ZNF142: variants seen among roughly 807,000 people sequenced by gnomAD.
The protein encoded by ZNF142 is zinc finger protein 142 (clone pHZ-49).
Under a neutral mutation model 132.1 loss-of-function variants are expected in ZNF142, and 96 were observed. The observed-to-expected ratio is 0.73, with a 90% CI of 0.62 to 0.86. The LOEUF (loss-of-function observed/expected upper bound fraction) is 0.86. ZNF142 is among the 40% of genes least tolerant of loss of function. ZNF142 has a pLI of 0.00. For missense variants in ZNF142, 2,163 were observed against 2,336.2 expected (o/e 0.93, Z 1.53); for synonymous variants, 842 against 890.1 (o/e 0.95, Z 0.96).
rs1412809987 is a variant in ZNF142 at position 218,635,622 on chromosome 2, C to T, written c.*2717G>A. On this transcript the variant is annotated 3_prime_UTR_variant, in exon 11 of 11. Transcript: ENST00000411696. ...TGTTGGGATTACAGGTGTGAGCCAC[C>T]GTGCCCGGCCTTTGGGTGCATTTTA... 6.6e-6 allele frequency among the ~76,000 whole-genome samples: 1 copy of T among 152,152 alleles called. No homozygotes were observed. The highest frequency in any genetic ancestry group is 1.5e-5 in the Non-Finnish European group (1 of 68,042).
At position 218,642,413 on chromosome 2, in the gene ZNF142, G is replaced by A. The variant is rs368309879; in HGVS notation, c.4703C>T (p.Ala1568Val). The change falls in exon 9 of 11, where the codon GCT (alanine) becomes GTT (valine). Residue 1568 changes from alanine (A) to valine (V), a missense_variant. By Grantham distance (64) the Ala-to-Val change is moderately conservative (BLOSUM62 0). Coordinates refer to ENST00000411696, the MANE Select transcript of ZNF142 (RefSeq NM_001379659.1). The surrounding 1 kb of genome is among the most constrained non-coding windows in gnomAD (Gnocchi z 4.6). ...CTGCTGCCTCCGGTGCTCATCCAGAGCCAGTCGGCTAGGGAAGGCCTCCTG... is the reference window on the plus strand; with the variant it reads ...CTGCTGCCTCCGGTGCTCATCCAGAACCAGTCGGCTAGGGAAGGCCTCCTG... ...ACQEAFPSRLALDEHRRQQHF... is the reference protein window; with the variant it reads ...ACQEAFPSRLVLDEHRRQQHF... 6.2e-7 allele frequency: 1 copy of A among 1,613,066 alleles called. No homozygotes were observed. The highest frequency in any genetic ancestry group is 8.5e-7 in the Non-Finnish European group (1 of 1,180,026).
At position 218,636,185 on chromosome 2, in the gene ZNF142, A is replaced by C. The variant is rs1696733171; in HGVS notation, c.*2154T>G. 6.4e-7 allele frequency: 1 copy of C among 1,562,400 alleles called. No individual in the cohort carries two copies. Among genetic ancestry groups the C allele is most frequent in the Admixed American group, 1.7e-5 (1 of 59,274 alleles). ...GATTAAATGAGAACACAAGAAAAGC[A>C]ACCCAGTCAAGAAAACTGTCATAAT... On this transcript the variant is annotated 3_prime_UTR_variant, in exon 11 of 11. Coordinates refer to ENST00000411696, the MANE Select transcript of ZNF142 (RefSeq NM_001379659.1).
Position 218,656,415 on chromosome 2 carries a change from A to T in ZNF142, c.15T>A (p.Leu5=), listed in dbSNP as rs1307949963. The T allele has an allele frequency of 7.0e-7, 1 of 1,432,956 alleles. No individual in the cohort carries two copies. The highest frequency in any genetic ancestry group is 9.2e-7 in the Non-Finnish European group (1 of 1,083,594). The allele number at this position is 1,432,956 out of a possible 1,614,324, so 88.8% of individuals were successfully genotyped here. ...TGCTACTGGCTGGCTGTGAGTCCAA[A>T]AGGGGGTCTGTCATCACCACCGACT... MTDP[L]LDSQPASSTG... Residue 5 remains leucine (L), a synonymous_variant, in exon 4 of 11, where the codon CTT becomes CTA. Coordinates refer to ENST00000411696, the MANE Select transcript of ZNF142 (RefSeq NM_001379659.1).
rs1340748459 is a variant in ZNF142, at chr2:218,635,175, G to A, written c.*3164C>T. 2.0e-5 allele frequency among the ~76,000 whole-genome samples: 3 copies of A among 152,080 alleles called. No individual in the cohort carries two copies. The highest frequency in any genetic ancestry group is 1.3e-4 in the Admixed American group (2 of 15,256). ...CCTGGCTACTCAGGAGGCTAAGGCT[G>A]GAGGGTCACTTTAGCCCAGGAGATG... On this transcript the variant is annotated 3_prime_UTR_variant, in exon 11 of 11. Coordinates refer to ENST00000411696, the MANE Select transcript of ZNF142 (RefSeq NM_001379659.1).
rs1189662329 is a variant in ZNF142 at position 218,646,305 on chromosome 2, T to G, written c.1917A>C (p.Arg639=). ...HKCELCDFTC[R]DVSYLSKHML... ...TGTGCTTGGATAGGTAGCTCACGTC[T>G]CGGCATGTGAAGTCACACAGCTCAC... The change falls in exon 8 of 11, where the codon CGA becomes CGC. Residue 639 remains arginine, a synonymous_variant. Transcript: ENST00000411696. The G allele has an allele frequency of 3.1e-6, 5 of 1,614,054 alleles. No individual in the cohort carries two copies. The South Asian group carries it at 4.4e-5, about 14-fold the overall frequency.
At chr2:218,653,793 A>C (rs1938236564) in intron 4 of ZNF142, among the ~76,000 whole-genome samples, 1 of 152,158 alleles carries the variant, frequency 6.6e-6, no homozygotes, top group Admixed American at 6.5e-5. Flanking sequence ...AGCATGAACA[A>C]ATCAAAACGA....
intron 4 of ZNF142, 107 bp downstream of exon 4, chr2:218,656,043 T>C: frequency 7.6e-7 from 1 of 1,317,530 alleles, no homozygotes; most frequent in African/African-American, 1.5e-5. Flanking sequence ...AGTATAAAAA[T>C]AGGATGCTAC....
At chr2:218,646,427 G>A (rs2106230365) in intron 7 of ZNF142, 79 bp from the exon 8 acceptor site, 1 of 1,522,222 alleles carries the variant, frequency 6.6e-7, no homozygotes, top group East Asian at 2.3e-5. Context: ...CTTCCAGCAA[G>A]CCTGCCCTGA....
chr2:218,639,002 G>A (rs1215401814), intron 10 of ZNF142, among the ~76,000 whole-genome samples, 194 bp from the exon 11 acceptor site: 2 of 152,026 alleles, frequency 1.3e-5, no homozygotes, highest in Non-Finnish European at 2.9e-5. Flanking sequence ...ACGGAGTTTC[G>A]CTCTTGTTGC....
rs763958781 is a variant in ZNF142, at chr2:218,634,497, T to C, written c.*3842A>G. 11 of 1,614,016 alleles carry C rather than the reference T, an allele frequency of 6.8e-6. No homozygotes were observed. Among genetic ancestry groups the C allele is most frequent in the Non-Finnish European group, 7.6e-6 (9 of 1,179,874 alleles). On this transcript the variant is annotated 3_prime_UTR_variant, in exon 11 of 11. Coordinates refer to ENST00000411696, the MANE Select transcript of ZNF142 (RefSeq NM_001379659.1). This position sits in a 1 kb window ranked among gnomAD's most constrained non-coding sequence, Gnocchi z 4.0. The stretch of plus-strand genomic sequence containing the variant: ...CAGACTGCAGGGCTTGAAATGGACA[T>C]CTGTGATGGGCATTTCCGCCAGAAT...
At chr2:218,645,537 G>T (rs1299413205) in intron 8 of ZNF142, among the ~76,000 whole-genome samples, 1 of 152,140 alleles carries the variant, frequency 6.6e-6, no homozygotes, top group Admixed American at 6.5e-5. Context: ...TTTGGAAGTG[G>T]CAAGATTGGG....
At position 218,634,974 on chromosome 2, in the gene ZNF142, T is replaced by C. The variant is rs1696632445; in HGVS notation, c.*3365A>G. Among the ~76,000 whole-genome samples the C allele has an allele frequency of 6.6e-6, 1 of 152,164 alleles. No homozygotes were observed. Among genetic ancestry groups the C allele is most frequent in the Admixed American group, 6.5e-5 (1 of 15,278 alleles). On this transcript the variant is annotated 3_prime_UTR_variant, in exon 11 of 11. Coordinates refer to ENST00000411696, the MANE Select transcript of ZNF142 (RefSeq NM_001379659.1). This position sits in a 1 kb window ranked among gnomAD's most constrained non-coding sequence, Gnocchi z 4.0. ...AAAGAGGCTGGCTGGGAGCGATAGCTTACACCTGTAATCCCAGCGCTTTGG... is the reference window on the plus strand; with the variant it reads ...AAAGAGGCTGGCTGGGAGCGATAGCCTACACCTGTAATCCCAGCGCTTTGG...
In ZNF142 at chr2:218,636,178, G is replaced by A. The variant is rs1015489572; in HGVS notation, c.*2161C>T. ...CCATCTAGATTAAATGAGAACACAA[G>A]AAAAGCAACCCAGTCAAGAAAACTG... On this transcript the variant is annotated 3_prime_UTR_variant, in exon 11 of 11. Transcript: ENST00000411696. 107 of 1,553,572 alleles carry A rather than the reference G, an allele frequency of 6.9e-5. No homozygotes were observed. In the African/African-American group the frequency reaches 1.2e-3, roughly 18 times the overall value.
intron 4 of ZNF142, among the ~76,000 whole-genome samples, chr2:218,654,117 T>C (rs1365561236): frequency 6.6e-6 from 1 of 152,212 alleles, no homozygotes. Context: ...TTGGGCTGTT[T>C]CCAACCATTA....
intron 9 of ZNF142, 80 bp from the exon 10 acceptor site, chr2:218,640,849 G>A (rs1177164966): frequency 8.6e-7 from 1 of 1,164,724 alleles, no homozygotes. Context: ...GGTTATTCTT[G>A]CCCTGTTCTA....
chr2:218,656,425 G>A lies in ZNF142; in HGVS notation c.5C>T (p.Thr2Ile), dbSNP rs1370212297. 2.8e-6 allele frequency: 4 copies of A among 1,419,592 alleles called. No homozygotes were observed. The highest frequency in any genetic ancestry group is 3.7e-6 in the Non-Finnish European group (4 of 1,077,400). 87.9% of individuals were successfully genotyped at this position (1,419,592 alleles called of 1,614,324 possible). The change falls in exon 4 of 11, where the codon ACA becomes ATA. Residue 2 changes from threonine (T) to isoleucine (I), a missense_variant. This residue lies in a region of ZNF142 where 195 missense variants were observed against 172.4 expected (regional missense o/e 1.13). Coordinates refer to ENST00000411696, the MANE Select transcript of ZNF142 (RefSeq NM_001379659.1). M[T>I]DPLLDSQPAS... ...TGGCTGTGAGTCCAAAAGGGGGTCT[G>A]TCATCACCACCGACTTGTGTGTTTT... is the stretch of plus-strand genomic sequence containing the variant.
chr2:218,653,425 A>G (rs772422324), intron 4 of ZNF142, among the ~76,000 whole-genome samples: 4 of 151,968 alleles, frequency 2.6e-5, no homozygotes, highest in Non-Finnish European at 5.9e-5. Flanking sequence ...TAAAAATACA[A>G]AATTAGCTGG....
At chr2:218,651,263 T>C (rs1937962132) in intron 5 of ZNF142, among the ~76,000 whole-genome samples, 1 of 152,238 alleles carries the variant, frequency 6.6e-6, no homozygotes. Context: ...ATCACAGGCA[T>C]GTGCCACAGT....
Position 218,634,681 on chromosome 2 carries a change from G to C in ZNF142, c.*3658C>G. On this transcript the variant is annotated 3_prime_UTR_variant, in exon 11 of 11. Coordinates refer to ENST00000411696, the MANE Select transcript of ZNF142 (RefSeq NM_001379659.1). This position sits in a 1 kb window ranked among gnomAD's most constrained non-coding sequence, Gnocchi z 4.0. ...AGAAACTGAGATAACTGGGATAGAA[G>C]TGAGGGAAGAGGTGGCTAGGCCTGA... 1 of 1,590,690 alleles carries C rather than the reference G, an allele frequency of 6.3e-7. No homozygotes were observed. Among genetic ancestry groups the C allele is most frequent in the South Asian group, 1.1e-5 (1 of 88,752 alleles).
Sources: gnomAD v4.1 joint callset for allele counts (sites outside exome capture counted in the v4.1 genomes callset) on GRCh38, gnomAD v4.1.1 for gene constraint, gnomAD v4.1.1 regional missense constraint, Gnocchi (gnomAD v3.1) non-coding constraint, MANE v1.5 for transcripts, NCBI Gene and HGNC (gene_info 2026-07-23, HGNC 2026-07-21) for gene names.